Variants in PAK4 observed in about 807,000 individuals in gnomAD.
PAK4 encodes p21 (RAC1) activated kinase 4.
Under a neutral mutation model 53.5 loss-of-function variants are expected in PAK4, and 49 were observed. That is an observed-to-expected ratio of 0.92 (90% confidence interval 0.73 to 1.16). The LOEUF is 1.16. Ranked by LOEUF, PAK4 falls within the 50% of genes most tolerant of loss-of-function variation. The pLI is 0.00. For missense variants in PAK4, 824 were observed against 850.7 expected, an observed-to-expected ratio of 0.97 and a Z score of 0.39; for synonymous variants, 376 against 375.6, an observed-to-expected ratio of 1.00 and a Z score of -0.01.
At position 39,173,405 on chromosome 19, in the gene PAK4, A is replaced by G. The variant is rs1241675992; in HGVS notation, c.663+29A>G. On this transcript the variant is annotated intron_variant, in intron 3 of 8. Transcript: ENST00000358301. This position sits in a 1 kb window ranked among gnomAD's most constrained non-coding sequence, Gnocchi z 6.9. ...ACCCATCCCCCGCCCCAGGGCCCCCACTGTCCCCTGCCCGTTGCTCCTCTG... is the reference window on the plus strand; with the variant it reads ...ACCCATCCCCCGCCCCAGGGCCCCCGCTGTCCCCTGCCCGTTGCTCCTCTG... The G allele has an allele frequency of 2.1e-6, 3 of 1,403,066 alleles. No individual in the cohort carries two copies. Among genetic ancestry groups the G allele is most frequent in the Non-Finnish European group, 2.8e-6 (3 of 1,070,048 alleles). 86.9% of individuals were successfully genotyped at this position (1,403,066 alleles called of 1,614,324 possible). A position where few individuals can be genotyped will look rare whatever the true frequency, so the allele number is the denominator to read the frequency against.
intron 1 of PAK4, among the ~76,000 whole-genome samples, chr19:39,129,902 A>T (rs1485114951): frequency 6.6e-6 from 1 of 152,176 alleles, no homozygotes; most frequent in East Asian, 1.9e-4. Flanking sequence ...AAGTTGGAGG[A>T]TGGGTGAGGC....
At chr19:39,149,594 C>T (rs533614070) in intron 1 of PAK4, among the ~76,000 whole-genome samples, 6 of 152,254 alleles carry the variant, frequency 3.9e-5, no homozygotes, top group South Asian at 2.1e-4. Context: ...CGGTGGCTCA[C>T]GCCTGTAATC....
chr19:39,141,327 T>TG lies in PAK4; in HGVS notation c.-23+15408_-23+15409insG, dbSNP rs930754464. Among the ~76,000 whole-genome samples, 6 of 152,014 alleles carry TG rather than the reference T, an allele frequency of 3.9e-5. No homozygotes were observed. The East Asian group carries it at 1.2e-3, about 29-fold the overall frequency. ...CCCAGTTGTCTTATAATCCTTTTTT[T>TG]TTTTTTGAGACAGAGTCTCACTCTG... On this transcript the variant is annotated intron_variant, in intron 1 of 8. Coordinates refer to ENST00000358301, the Ensembl canonical transcript of PAK4.
chr19:39,137,669 C>A (rs1403994717), intron 1 of PAK4, among the ~76,000 whole-genome samples: 1 of 140,294 alleles, frequency 7.1e-6, no homozygotes, highest in Non-Finnish European at 1.6e-5. Flanking sequence ...GGTCACTTTC[C>A]TTTTTTTTTT....
At chr19:39,159,100 T>C (rs1017060632) in intron 1 of PAK4, among the ~76,000 whole-genome samples, 33 of 152,152 alleles carry the variant, frequency 2.2e-4, no homozygotes, top group Non-Finnish European at 2.4e-4. Flanking sequence ...AGTTTGCAGA[T>C]GAGGACACTG....
chr19:39,138,063 C>T (rs984142751), intron 1 of PAK4, among the ~76,000 whole-genome samples: 9 of 151,810 alleles, frequency 5.9e-5, no homozygotes, highest in Non-Finnish European at 8.8e-5. Context: ...CTCACTGCAG[C>T]CTCCACCTCC....
At chr19:39,139,918 G>A (rs2073882566) in intron 1 of PAK4, among the ~76,000 whole-genome samples, 2 of 152,150 alleles carry the variant, frequency 1.3e-5, no homozygotes, top group Non-Finnish European at 2.9e-5. Context: ...TTTAGCTTTT[G>A]GCATGTTCTG....
chr19:39,176,710 C>T (rs776830066), exon 7 of PAK4: 2 of 1,609,426 alleles, frequency 1.2e-6, no homozygotes, highest in South Asian at 1.1e-5. Context: ...TCCCTACGGG[C>T]CAGAGGTGAG....
chr19:39,180,134 T>C (rs909366349), downstream of PAK4: 3 of 152,276 alleles, frequency 2.0e-5, no homozygotes, highest in African/African-American at 7.2e-5. Context: ...AGATTCCAGG[T>C]TAGTCCACGC....
chr19:39,148,478 T>TTTTTTTTTTTTTTC, intron 1 of PAK4, among the ~76,000 whole-genome samples: 1 of 113,438 alleles, frequency 8.8e-6, no homozygotes, highest in Non-Finnish European at 1.8e-5. Context: ...TTTTTTTTTT[T>TTTTTTTTTTTTTTC]TTTTTTTTTG....
At chr19:39,134,926 C>T (rs1483695758) in intron 1 of PAK4, 1 of 152,324 alleles carries the variant, frequency 6.6e-6, no homozygotes, top group African/African-American at 2.4e-5. Flanking sequence ...TCTGTTCCTC[C>T]ATCTCCTGCT....
chr19:39,169,835 C>A, intron 2 of PAK4, 78 bp downstream of exon 3: 2 of 1,016,788 alleles, frequency 2.0e-6, no homozygotes, highest in Non-Finnish European at 2.9e-6. Flanking sequence ...CACACTCGAC[C>A]CTGTGACCGA....
chr19:39,174,828 G>A (rs1322231668), intron 4 of PAK4, 103 bp from the exon 6 acceptor site: 3 of 1,400,764 alleles, frequency 2.1e-6, no homozygotes, highest in Non-Finnish European at 3.0e-6. Context: ...GTGAGCACAA[G>A]CTTAATGTGG....
intron 6 of PAK4, 111 bp from the exon 8 acceptor site, chr19:39,176,479 C>T (rs1449367767): frequency 3.5e-6 from 5 of 1,435,092 alleles, no homozygotes; most frequent in East Asian, 4.6e-5. Flanking sequence ...CCAGCTCTGA[C>T]CTCTGGGCCG....
At chr19:39,135,763 A>G (rs2073801103) in intron 1 of PAK4, among the ~76,000 whole-genome samples, 1 of 151,482 alleles carries the variant, frequency 6.6e-6, no homozygotes, top group South Asian at 2.1e-4. Flanking sequence ...CAACAGAAAG[A>G]TAAGCCGGGC....
Position 39,161,013 on chromosome 19 carries a change from G to A in PAK4, c.-22-8519G>A, listed in dbSNP as rs1407204432. ...GTGACCTGGCACTGGATAGCCCTGG[G>A]CAGTGAGTTCCCCTCTCGGCCTCAG... On this transcript the variant is annotated intron_variant, in intron 1 of 8. Transcript: ENST00000358301. This position sits in a 1 kb window ranked among gnomAD's most constrained non-coding sequence, Gnocchi z 4.5. Among the ~76,000 whole-genome samples, 4 of 152,222 alleles carry A rather than the reference G, an allele frequency of 2.6e-5. No individual in the cohort carries two copies. Among genetic ancestry groups the A allele is most frequent in the Non-Finnish European group, 5.9e-5 (4 of 68,036 alleles).
chr19:39,156,515 C>G (rs1252606859), intron 1 of PAK4, among the ~76,000 whole-genome samples: 1 of 152,112 alleles, frequency 6.6e-6, no homozygotes, highest in Middle Eastern at 3.2e-3. Context: ...CCTGCTGAAG[C>G]AAAGGCTGTG....
Position 39,175,529 on chromosome 19 carries a change from C to T in PAK4, c.1359+91C>T, listed in dbSNP as rs1399977165. The stretch of plus-strand genomic sequence containing the variant: ...CCCATCCCCTGTGAGGGTAGGTGAG[C>T]TCTGACCCCCAGGTCTGTGTCTTGA... On this transcript the variant is annotated intron_variant, in intron 6 of 8. Coordinates refer to ENST00000358301, the Ensembl canonical transcript of PAK4. This position sits in a 1 kb window ranked among gnomAD's most constrained non-coding sequence, Gnocchi z 4.7. 4.5e-6 allele frequency: 6 copies of T among 1,340,810 alleles called. No individual in the cohort carries two copies. The highest frequency in any genetic ancestry group is 3.1e-6 in the Non-Finnish European group (3 of 973,460). The allele number at this position is 1,340,810 out of a possible 1,614,324, so 83.1% of individuals were successfully genotyped here. A position where few individuals can be genotyped will look rare whatever the true frequency, so the allele number is the denominator to read the frequency against.
chr19:39,159,523 C>A (rs1268334603), intron 1 of PAK4, among the ~76,000 whole-genome samples: 2 of 152,102 alleles, frequency 1.3e-5, no homozygotes, highest in Admixed American at 1.3e-4. Context: ...GTAGCTGGGA[C>A]TAGAGGCACA....
Sources: gnomAD v4.1 joint callset for allele counts (sites outside exome capture counted in the v4.1 genomes callset) on GRCh38, gnomAD v4.1.1 for gene constraint, Gnocchi (gnomAD v3.1) non-coding constraint, MANE v1.5 for transcripts, NCBI Gene and HGNC (gene_info 2026-07-23, HGNC 2026-07-21) for gene names.